The following KRT82 variants were observed in gnomAD, a reference collection of about 807,000 sequenced individuals.
KRT82 encodes keratin 82, also known as keratin, type II cuticular Hb2.
A neutral mutation model predicts 48.0 loss-of-function variants in KRT82; 44 were observed. The observed-to-expected ratio is 0.92, with a 90% CI of 0.72 to 1.18. The LOEUF is 1.18. Ranked by LOEUF, KRT82 falls within the 50% of genes most tolerant of loss-of-function variation. The pLI, the probability that KRT82 is intolerant of heterozygous loss-of-function variation, is 0.00. For synonymous variants in KRT82, 297 were observed against 278.3 expected, an observed-to-expected ratio of 1.07 and a Z score of -0.67; for missense variants, 701 against 671.4, an observed-to-expected ratio of 1.04 and a Z score of -0.49.
chr12:52,395,003 C>T lies in KRT82; in HGVS notation c.1514G>A (p.Gly505Glu), dbSNP rs773623774. The part of the protein sequence containing the change: ...GRKSSMTLGA[G>E]GSSPSHKH ...ATGCTTGTGGCTGGGGGAGCTGCCCCCAGCTCCTAGCGTCATGCTGGATTT... is the reference window on the plus strand; with the variant it reads ...ATGCTTGTGGCTGGGGGAGCTGCCCTCAGCTCCTAGCGTCATGCTGGATTT... Residue 505 changes from glycine to glutamate, a missense_variant, in exon 9 of 9, where the codon GGG becomes GAG. Transcript: ENST00000257974. 9.3e-6 allele frequency: 15 copies of T among 1,613,466 alleles called. No homozygotes were observed. The highest frequency in any genetic ancestry group is 5.5e-5 in the South Asian group (5 of 91,080).
chr12:52,398,199 G>T (rs987751049), intron 5 of KRT82, among the ~76,000 whole-genome samples: 1 of 152,192 alleles, frequency 6.6e-6, no homozygotes, highest in Non-Finnish European at 1.5e-5. Flanking sequence ...GACCATGGCT[G>T]GGTAGGGCTT....
intron 8 of KRT82, 131 bp downstream of exon 8, chr12:52,395,628 C>A (rs946225255): frequency 3.0e-6 from 2 of 667,846 alleles, no homozygotes; most frequent in East Asian, 5.7e-5. Context: ...TGGGAGCTCA[C>A]GGCAGACAGA....
intron 5 of KRT82, among the ~76,000 whole-genome samples, chr12:52,398,229 G>C (rs554552964): frequency 2.0e-5 from 3 of 152,236 alleles, no homozygotes; most frequent in Middle Eastern, 3.4e-3. Context: ...CTCTTTAAAG[G>C]GGGGAATGAC....
intron 3 of KRT82, 98 bp downstream of exon 3, chr12:52,401,191 G>A: frequency 1.0e-6 from 1 of 975,794 alleles, no homozygotes; most frequent in African/African-American, 1.6e-5. Flanking sequence ...TTTCAGAGTG[G>A]GTGGGCTGCA....
chr12:52,401,706 T>C (rs1038711583), intron 2 of KRT82, among the ~76,000 whole-genome samples: 1 of 152,168 alleles, frequency 6.6e-6, no homozygotes, highest in African/African-American at 2.4e-5. Flanking sequence ...CTAGCTGTTT[T>C]TTTCTGAGTC....
chr12:52,397,033 C>G (rs755161552), intron 5 of KRT82, 25 bp from the exon 6 acceptor site: 1 of 1,611,390 alleles, frequency 6.2e-7, no homozygotes. Context: ...AGGTCAGAGC[C>G]CCAGGCCCCA....
At position 52,406,076 on chromosome 12, in the gene KRT82, C is replaced by T. The variant is rs1298661111; in HGVS notation, c.202G>A (p.Ala68Thr). Residue 68 changes from alanine (A) to threonine (T), a missense_variant, in exon 1 of 9, where the codon GCC becomes ACC. Physicochemically the swap from Ala to Thr is moderately conservative, Grantham distance 58. Coordinates refer to ENST00000257974, the MANE Select transcript of KRT82 (RefSeq NM_033033.4). ...GGCAGGGTACCTCCACACCTGGAGG[C>T]TACCCGGGGCCTCCCAAAGCCCACG... ...CNVGFGRPRV[A>T]SRCGGTLPGF... The T allele has an allele frequency of 1.2e-6, 2 of 1,613,614 alleles. No individual in the cohort carries two copies. Among genetic ancestry groups the T allele is most frequent in the Admixed American group, 3.3e-5 (2 of 59,990 alleles).
chr12:52,400,124 A>G lies in KRT82; in HGVS notation c.803T>C (p.Ile268Thr). Residue 268 changes from isoleucine (I) to threonine (T), a missense_variant, in exon 5 of 9, where the codon ATC (isoleucine) becomes ACC (threonine). Coordinates refer to ENST00000257974, the MANE Select transcript of KRT82 (RefSeq NM_033033.4). ...CTTCACAATGACCGAGGTCTCAGAGATCTGAGACTGGAGCAGGCAGATCTC... is the reference window on the plus strand; with the variant it reads ...CTTCACAATGACCGAGGTCTCAGAGGTCTGAGACTGGAGCAGGCAGATCTC... Reference protein sequence around the residue: ...EEEICLLQSQISETSVIVKMD... With the variant: ...EEEICLLQSQTSETSVIVKMD... 8.7e-6 allele frequency: 14 copies of G among 1,613,836 alleles called. No homozygotes were observed. Among genetic ancestry groups the G allele is most frequent in the Non-Finnish European group, 1.2e-5 (14 of 1,179,782 alleles).
intron 1 of KRT82, among the ~76,000 whole-genome samples, chr12:52,404,270 C>T (rs571984358): frequency 3.5e-4 from 53 of 152,320 alleles, no homozygotes; most frequent in African/African-American, 1.3e-3. Context: ...CTTCCCAAAG[C>T]TCCTACCTGG....
rs903185405 is a variant in KRT82 at position 52,406,003 on chromosome 12, A to T, written c.275T>A (p.Ile92Asn). 1 of 1,614,104 alleles carries T rather than the reference A, an allele frequency of 6.2e-7. No individual in the cohort carries two copies. The change falls in exon 1 of 9, where the codon ATC becomes AAC. Residue 92 changes from isoleucine to asparagine, a missense_variant. Ile to Asn is a moderately radical substitution (Grantham distance 149, BLOSUM62 -3). Transcript: ENST00000257974. ...LGATCGPSACITPVTINESLL... is the reference protein window; with the variant it reads ...LGATCGPSACNTPVTINESLL... The stretch of plus-strand genomic sequence containing the variant: ...GCTCTCATTGATGGTGACAGGGGTG[A>T]TGCAGGCAGAAGGCCCACAGGTGGC...
intron 5 of KRT82, among the ~76,000 whole-genome samples, chr12:52,399,620 C>T (rs1592153635): frequency 2.0e-5 from 3 of 152,338 alleles, no homozygotes; most frequent in African/African-American, 7.2e-5. Context: ...TCCCACGCCT[C>T]GAAGCTTAGA....
chr12:52,400,716 G>A (rs957846421), intron 3 of KRT82, 94 bp from the exon 4 acceptor site: 14 of 847,794 alleles, frequency 1.7e-5, no homozygotes, highest in Middle Eastern at 2.2e-4. Flanking sequence ...CTTTCCTCAC[G>A]AACACCCATG....
Position 52,406,216 on chromosome 12 carries a change from G to A in KRT82, c.62C>T (p.Ser21Leu), listed in dbSNP as rs142011803. 4.7e-5 allele frequency: 76 copies of A among 1,612,270 alleles called. No homozygotes were observed. In the African/African-American group the frequency reaches 5.3e-4, roughly 11 times the overall value. Reference sequence around the variant, plus strand: ...GGTGACCATCCGGGGCATGACAGCCGAGTATGAGCTGAAACTCTGACTGCC... The same window carrying A: ...GGTGACCATCCGGGGCATGACAGCCAAGTATGAGCTGAAACTCTGACTGCC... Reference protein sequence around the residue: ...RCGSQSFSSYSAVMPRMVTHY... With the variant: ...RCGSQSFSSYLAVMPRMVTHY... The change falls in exon 1 of 9, where the codon TCG (serine) becomes TTG (leucine). Residue 21 changes from serine (S) to leucine (L), a missense_variant. Coordinates refer to ENST00000257974, the MANE Select transcript of KRT82 (RefSeq NM_033033.4).
At chr12:52,398,280 C>T (rs909291741) in intron 5 of KRT82, among the ~76,000 whole-genome samples, 7 of 151,876 alleles carry the variant, frequency 4.6e-5, no homozygotes, top group South Asian at 2.1e-4. Context: ...TGCTGCCAGG[C>T]GTAAGCATGT....
At position 52,395,202 on chromosome 12, in the gene KRT82, G is replaced by A; in HGVS notation, c.1322-7C>T. Reference sequence around the variant, plus strand: ...CCTTTGGAGCTGCTCACTGCTGTGGGAACAGGAAGGGGTGCTCAGGGCCCC... The same window carrying A: ...CCTTTGGAGCTGCTCACTGCTGTGGAAACAGGAAGGGGTGCTCAGGGCCCC... On this transcript the variant is annotated splice_polypyrimidine_tract_variant and splice_region_variant and intron_variant, in intron 8 of 8. Coordinates refer to ENST00000257974, the MANE Select transcript of KRT82 (RefSeq NM_033033.4). 1 of 1,612,196 alleles carries A rather than the reference G, an allele frequency of 6.2e-7. No homozygotes were observed. Among genetic ancestry groups the A allele is most frequent in the African/African-American group, 1.3e-5 (1 of 74,952 alleles).
intron 1 of KRT82, 131 bp downstream of exon 1, chr12:52,405,736 G>A (rs1281134321): frequency 2.4e-6 from 2 of 838,400 alleles, no homozygotes; most frequent in Non-Finnish European, 1.8e-6. Flanking sequence ...GTCGTGGAAT[G>A]TGAGGGAGGC....
Position 52,400,568 on chromosome 12 carries a change from G to A in KRT82, c.736C>T (p.Leu246Phe). The change falls in exon 4 of 9, where the codon CTC becomes TTC. Residue 246 changes from leucine to phenylalanine, a missense_variant. Leu to Phe is a conservative substitution (Grantham distance 22, BLOSUM62 0). Transcript: ENST00000257974. ...TTCAGGAAGTCGATCTCCTGCACGAGTGCCTCTGCGTTGGTCTCCAGGTCA... is the reference window on the plus strand; with the variant it reads ...TTCAGGAAGTCGATCTCCTGCACGAATGCCTCTGCGTTGGTCTCCAGGTCA... ...KADLETNAEA[L>F]VQEIDFLKSL... 3 of 1,614,132 alleles carry A rather than the reference G, an allele frequency of 1.9e-6. No individual in the cohort carries two copies. In the South Asian group the frequency reaches 3.3e-5, roughly 18 times the overall value.
At position 52,395,161 on chromosome 12, in the gene KRT82, C is replaced by T. The variant is rs1732263; in HGVS notation, c.1356G>A (p.Glu452=). 2 of 1,613,908 alleles carry T rather than the reference C, an allele frequency of 1.2e-6. No homozygotes were observed. Among genetic ancestry groups the T allele is most frequent in the Non-Finnish European group, 1.7e-6 (2 of 1,179,962 alleles). Residue 452 remains glutamate (E), a synonymous_variant, in exon 9 of 9, where the codon GAG becomes GAA. Transcript: ENST00000257974. ...GGACAGGCGTGCTGACCCCACATGG[C>T]TCGTACAGGAAGGCGCCTTTGGAGC... The part of the protein sequence containing the change: ...VSSSKGAFLY[E]PCGVSTPVLS...
chr12:52,400,685 G>A (rs889188395), intron 3 of KRT82, 63 bp from the exon 4 acceptor site: 1 of 1,151,114 alleles, frequency 8.7e-7, no homozygotes, highest in Non-Finnish European at 1.3e-6. Context: ...GCTGGTGGCA[G>A]GGGGAAGGCG....
Sources: allele counts gnomAD v4.1 joint callset (sites outside exome capture counted in the v4.1 genomes callset), GRCh38; gene constraint gnomAD v4.1.1; transcripts MANE v1.5; gene names NCBI Gene and HGNC (gene_info 2026-07-23, HGNC 2026-07-21).